The following SLC5A4 variants were observed in gnomAD, a reference collection of about 807,000 sequenced individuals.
SLC5A4 encodes probable glucose sensor protein SLC5A4.
Under a neutral mutation model 70.3 loss-of-function variants are expected in SLC5A4, and 55 were observed. The observed-to-expected ratio is 0.78, with a 90% CI of 0.63 to 0.98. SLC5A4 has a LOEUF of 0.98. Ranked by LOEUF, SLC5A4 falls within the 50% of genes least tolerant of loss-of-function variation. The pLI, the probability that SLC5A4 is intolerant of heterozygous loss-of-function variation, is 0.00. For missense variants in SLC5A4, 735 were observed against 839.2 expected (o/e 0.88, Z 1.53); for synonymous variants, 268 against 305.7 (o/e 0.88, Z 1.29).
the SLC5A4 span, among the ~76,000 whole-genome samples, chr22:32,280,522 G>C: frequency 6.6e-6 from 1 of 152,080 alleles, no homozygotes; most frequent in East Asian, 1.9e-4. Flanking sequence ...CTCTCCTGTG[G>C]CCTTGTGTCC....
the SLC5A4 span, among the ~76,000 whole-genome samples, chr22:32,289,501 A>G: frequency 6.6e-6 from 1 of 152,150 alleles, no homozygotes; most frequent in African/African-American, 2.4e-5. Flanking sequence ...TTCTGGTTTC[A>G]TTTGAGACGG....
chr22:32,235,244 G>C, intron 7 of SLC5A4, 151 bp from the exon 8 acceptor site: 1 of 610,664 alleles, frequency 1.6e-6, no homozygotes, highest in Non-Finnish European at 2.9e-6. Context: ...TGTCTTTCTG[G>C]TACCTCCGCT....
the SLC5A4 span, among the ~76,000 whole-genome samples, chr22:32,331,166 GGGGGGCTCTGGTGTATGTGTT>G: frequency 3.8e-4 from 46 of 120,490 alleles, no homozygotes; most frequent in East Asian, 2.0e-3. Flanking sequence ...TGTGTGTGTT[GGGGGGCTCTGGTGTATGTGTT>G]GGGGGCTCTG....
chr22:32,324,900 T>C, the SLC5A4 span, among the ~76,000 whole-genome samples: 5 of 152,232 alleles, frequency 3.3e-5, no homozygotes, highest in African/African-American at 4.8e-5. Flanking sequence ...GAAGGAATCT[T>C]TGGCAAATGT....
upstream of SLC5A4, among the ~76,000 whole-genome samples, chr22:32,258,472 G>A (rs939533968): frequency 1.3e-5 from 2 of 151,986 alleles, no homozygotes; most frequent in South Asian, 4.2e-4. Context: ...TAGCCAAGAG[G>A]TATATGAAAA....
the SLC5A4 span, among the ~76,000 whole-genome samples, chr22:32,306,511 C>G: frequency 1.6e-5 from 2 of 125,244 alleles, no homozygotes; most frequent in South Asian, 5.9e-4. Context: ...AAAAGAGCAA[C>G]AGCGGTCAGT....
At chr22:32,227,391 A>T (rs979271403) in intron 11 of SLC5A4, among the ~76,000 whole-genome samples, 7 of 152,324 alleles carry the variant, frequency 4.6e-5, no homozygotes, top group South Asian at 2.1e-4. Context: ...GCATTTGTCC[A>T]GAGTCAAGCT....
chr22:32,223,927 CTT>C (rs913185642), intron 13 of SLC5A4, among the ~76,000 whole-genome samples: 6 of 147,504 alleles, frequency 4.1e-5, no homozygotes, highest in Admixed American at 6.8e-5. Context: ...GCAAGGAACT[CTT>C]TTTTTTTTTG....
the SLC5A4 span, among the ~76,000 whole-genome samples, chr22:32,317,280 A>T: frequency 6.6e-6 from 1 of 152,178 alleles, no homozygotes; most frequent in Non-Finnish European, 1.5e-5. Flanking sequence ...AGAGGAACAT[A>T]TATAGCCTTA....
the SLC5A4 span, among the ~76,000 whole-genome samples, chr22:32,337,916 TCAATA>T: frequency 1.4e-5 from 2 of 140,750 alleles, no homozygotes; most frequent in Admixed American, 1.5e-4. Flanking sequence ...TTACCTCTGT[TCAATA>T]CAATGTATTT....
intron 3 of SLC5A4, among the ~76,000 whole-genome samples, chr22:32,251,134 C>G (rs1299002945): frequency 8.9e-5 from 3 of 33,580 alleles, no homozygotes; most frequent in African/African-American, 3.6e-4. Flanking sequence ...AAGAAGACAA[C>G]AACAAACAAA....
At chr22:32,343,027 A>G in the SLC5A4 span, 1 of 152,056 alleles carries the variant, frequency 6.6e-6, no homozygotes, top group Non-Finnish European at 1.5e-5. Context: ...TGGTTGTTGA[A>G]TACTTCTGTA....
At chr22:32,260,167 C>T (rs1389435064), upstream of SLC5A4, among the ~76,000 whole-genome samples, 1 of 152,122 alleles carries the variant, frequency 6.6e-6, no homozygotes, top group Non-Finnish European at 1.5e-5. Flanking sequence ...CTCTCCAGGT[C>T]CCTGGGCCCC....
the SLC5A4 span, among the ~76,000 whole-genome samples, chr22:32,281,429 C>A: frequency 2.6e-5 from 4 of 152,248 alleles, no homozygotes; most frequent in Non-Finnish European, 5.9e-5. Context: ...AAAGCCCGGG[C>A]TTCACCAGGG....
the SLC5A4 span, chr22:32,284,971 C>T: frequency 6.6e-6 from 1 of 152,172 alleles, no homozygotes; most frequent in Non-Finnish European, 1.5e-5. Context: ...TTGCAACTAT[C>T]AATTGGCTGC....
chr22:32,319,294 A>G, the SLC5A4 span, among the ~76,000 whole-genome samples: 1 of 150,848 alleles, frequency 6.6e-6, no homozygotes, highest in Non-Finnish European at 1.5e-5. Flanking sequence ...ACTGGAACTC[A>G]CACCATCAGC....
At chr22:32,345,585 A>C in the SLC5A4 span, among the ~76,000 whole-genome samples, 1 of 152,210 alleles carries the variant, frequency 6.6e-6, no homozygotes, top group East Asian at 1.9e-4. Context: ...GACATGAAAA[A>C]GAGAAATCTT....
chr22:32,327,989 G>A, the SLC5A4 span, among the ~76,000 whole-genome samples: 39 of 152,158 alleles, frequency 2.6e-4, no homozygotes, highest in African/African-American at 9.2e-4. Flanking sequence ...CACAAGCTGT[G>A]TGACCTTGGA....
At chr22:32,306,916 C>G in the SLC5A4 span, among the ~76,000 whole-genome samples, 1 of 152,204 alleles carries the variant, frequency 6.6e-6, no homozygotes, top group African/African-American at 2.4e-5. Flanking sequence ...GAGGCGCTCT[C>G]TCTTGGGCCA....
Sources: allele counts gnomAD v4.1 joint callset (sites outside exome capture counted in the v4.1 genomes callset), GRCh38; gene constraint gnomAD v4.1.1; transcripts MANE v1.5; gene names NCBI Gene and HGNC (gene_info 2026-07-23, HGNC 2026-07-21).